Variants in CTNNA2 observed in about 807,000 individuals in gnomAD.
CTNNA2 encodes catenin alpha 2, also known as catenin alpha-2.
CTNNA2 carries 42 observed loss-of-function variants against 101.0 expected under a neutral mutation model. That is an observed-to-expected ratio of 0.42 (90% CI 0.32 to 0.54). The LOEUF is 0.54. CTNNA2 is among the 20% of genes least tolerant of loss of function. CTNNA2 has a pLI of 0.14. For missense variants in CTNNA2, 871 were observed against 1,223.1 expected (o/e 0.71, Z 4.29); for synonymous variants, 450 against 456.4 (o/e 0.99, Z 0.18).
At chr2:80,173,746 G>C (rs1705216809) in intron 7 of CTNNA2, among the ~76,000 whole-genome samples, 1 of 152,156 alleles carries the variant, frequency 6.6e-6, no homozygotes, top group South Asian at 2.1e-4. Flanking sequence ...GGCCTAGGGT[G>C]CATGGCGTCT....
At chr2:79,376,096 T>C (rs545881028) in intron 4 of CTNNA2, among the ~76,000 whole-genome samples, 6 of 152,116 alleles carry the variant, frequency 3.9e-5, no homozygotes, top group Non-Finnish European at 7.3e-5. Context: ...AAGCTGCATG[T>C]AGAAGGACGC....
intron 11 of CTNNA2, among the ~76,000 whole-genome samples, chr2:80,554,278 A>G (rs1040434952): frequency 6.6e-6 from 1 of 152,170 alleles, no homozygotes. Context: ...CTAGCCCTAA[A>G]AGCTTCTTAA....
At chr2:80,092,999 T>A (rs1250168596) in intron 7 of CTNNA2, among the ~76,000 whole-genome samples, 1 of 138,146 alleles carries the variant, frequency 7.2e-6, no homozygotes, top group African/African-American at 2.5e-5. Flanking sequence ...GTTTCAATTC[T>A]TTTTTTTTAA....
At position 80,037,703 on chromosome 2, in the gene CTNNA2, A is replaced by G. The variant is rs552571306; in HGVS notation, c.1056+127906A>G. Among the ~76,000 whole-genome samples the G allele has an allele frequency of 2.0e-5, 3 of 152,304 alleles. No homozygotes were observed. The East Asian group carries it at 5.8e-4, about 29-fold the overall frequency. On this transcript the variant is annotated intron_variant, in intron 7 of 18. Transcript: ENST00000402739. The stretch of plus-strand genomic sequence containing the variant: ...GTATATACAAAAATGGGCAATAGCA[A>G]TGGTTCAATAAATGTTAGCTTTTTA...
chr2:79,358,348 A>C (rs1442952860), intron 3 of CTNNA2, among the ~76,000 whole-genome samples: 1 of 151,906 alleles, frequency 6.6e-6, no homozygotes, highest in Non-Finnish European at 1.5e-5. Flanking sequence ...TATAGGCGTC[A>C]GCCACCACAC....
chr2:80,043,093 TTCTC>T (rs201701924), intron 7 of CTNNA2, among the ~76,000 whole-genome samples: 4,813 of 32,076 alleles, frequency 0.15, 394 homozygotes, highest in Non-Finnish European at 0.18. Context: ...CTTTCTTTCT[TTCTC>T]TCTCTCTCTC....
At chr2:80,356,948 A>T (rs997223144) in intron 7 of CTNNA2, among the ~76,000 whole-genome samples, 1 of 152,214 alleles carries the variant, frequency 6.6e-6, no homozygotes, top group African/African-American at 2.4e-5. Flanking sequence ...CCTAGCGAGG[A>T]GTCATATTAA....
intron 15 of CTNNA2, 68 bp downstream of exon 15, chr2:80,589,553 C>G (rs999844396): frequency 6.9e-7 from 1 of 1,442,998 alleles, no homozygotes; most frequent in Non-Finnish European, 9.4e-7. Flanking sequence ...TGTGTATTAG[C>G]ATGTGAAAGC....
intron 3 of CTNNA2, among the ~76,000 whole-genome samples, chr2:79,812,184 A>G (rs548910521): frequency 6.6e-6 from 1 of 152,116 alleles, no homozygotes; most frequent in East Asian, 1.9e-4. Flanking sequence ...GTTATCTTCA[A>G]ATAGTTGCAG....
At chr2:80,262,995 A>G (rs1235996116) in intron 7 of CTNNA2, among the ~76,000 whole-genome samples, 3 of 152,212 alleles carry the variant, frequency 2.0e-5, no homozygotes, top group Non-Finnish European at 4.4e-5. Flanking sequence ...CTAACGTGCC[A>G]GAACGGAATT....
intron 3 of CTNNA2, among the ~76,000 whole-genome samples, chr2:79,816,861 T>A (rs1220937340): frequency 6.6e-6 from 1 of 152,290 alleles, no homozygotes; most frequent in East Asian, 1.9e-4. Flanking sequence ...TACAGTGGCA[T>A]ACCTAGCTGG....
At position 80,148,012 on chromosome 2, in the gene CTNNA2, C is replaced by T. The variant is rs147643512; in HGVS notation, c.1056+238215C>T. ...ATGACATTTTAAATAAGAGTAAGTA[C>T]TGCTTAACTTTTTAATGTCATTTTT... On this transcript the variant is annotated intron_variant, in intron 7 of 18. Transcript: ENST00000402739. Among the ~76,000 whole-genome samples, 60 of 152,202 alleles carry T rather than the reference C, an allele frequency of 3.9e-4. No homozygotes were observed. The East Asian group carries it at 0.011, about 28-fold the overall frequency.
At chr2:79,331,170 T>A (rs1416515773) in intron 3 of CTNNA2, among the ~76,000 whole-genome samples, 1 of 152,150 alleles carries the variant, frequency 6.6e-6, no homozygotes, top group African/African-American at 2.4e-5. Flanking sequence ...TTTTGGTGGA[T>A]GTTTCATCTG....
chr2:80,539,249 A>T (rs1042935108), intron 9 of CTNNA2, among the ~76,000 whole-genome samples: 4 of 151,802 alleles, frequency 2.6e-5, no homozygotes, highest in African/African-American at 9.7e-5. Context: ...GCCAATTGTA[A>T]TACAAATTCA....
At chr2:80,190,202 A>G (rs1167795223) in intron 7 of CTNNA2, among the ~76,000 whole-genome samples, 1 of 152,016 alleles carries the variant, frequency 6.6e-6, no homozygotes, top group African/African-American at 2.4e-5. Flanking sequence ...GGAGACCCAG[A>G]GCCAGCAAAT....
intron 1 of CTNNA2, among the ~76,000 whole-genome samples, chr2:79,521,659 T>C (rs1310079051): frequency 6.6e-6 from 1 of 152,048 alleles, no homozygotes; most frequent in African/African-American, 2.4e-5. Flanking sequence ...GGTAAATGAT[T>C]GTTGGGTAAG....
intron 7 of CTNNA2, among the ~76,000 whole-genome samples, chr2:80,134,446 A>T (rs1194638047): frequency 6.6e-6 from 1 of 152,110 alleles, no homozygotes; most frequent in East Asian, 1.9e-4. Context: ...CCCGCTAATG[A>T]CCCAGCTTGT....
At chr2:79,480,002 T>C (rs1176502196) in intron 4 of CTNNA2, among the ~76,000 whole-genome samples, 1 of 151,988 alleles carries the variant, frequency 6.6e-6, no homozygotes, top group East Asian at 1.9e-4. Flanking sequence ...TTGGAGGCAG[T>C]ACAAGAAGCA....
At chr2:79,515,514 T>C (rs1358594082) in intron 1 of CTNNA2, among the ~76,000 whole-genome samples, 3 of 152,208 alleles carry the variant, frequency 2.0e-5, no homozygotes, top group Non-Finnish European at 4.4e-5. Flanking sequence ...GCCCCAGTTT[T>C]TGATACTGTG....
Sources: gnomAD v4.1 joint callset for allele counts (sites outside exome capture counted in the v4.1 genomes callset) on GRCh38, gnomAD v4.1.1 for gene constraint, MANE v1.5 for transcripts, NCBI Gene and HGNC (gene_info 2026-07-23, HGNC 2026-07-21) for gene names.